The following ZSWIM6 variants were observed in gnomAD, a reference collection of about 807,000 sequenced individuals.
ZSWIM6 encodes the protein zinc finger SWIM-type containing 6.
Under a neutral mutation model 113.2 loss-of-function variants are expected in ZSWIM6, and 9 were observed. The observed-to-expected ratio is 0.08, with a 90% CI of 0.05 to 0.14. The LOEUF (loss-of-function observed/expected upper bound fraction) is 0.14. Ranked by LOEUF, ZSWIM6 falls within the 10% of genes least tolerant of loss-of-function variation. The pLI, the probability that ZSWIM6 is intolerant of heterozygous loss-of-function variation, is 1.00. For synonymous variants in ZSWIM6, 611 were observed against 606.5 expected (o/e 1.01, Z -0.11); for missense variants, 1,162 against 1,552.2 (o/e 0.75, Z 4.22).
chr5:61,486,757 T>A (rs1748031406), intron 2 of ZSWIM6, among the ~76,000 whole-genome samples: 1 of 152,140 alleles, frequency 6.6e-6, no homozygotes, highest in South Asian at 2.1e-4. Context: ...GAAAAATGTC[T>A]CATGTCTTTT....
intron 1 of ZSWIM6, among the ~76,000 whole-genome samples, chr5:61,400,836 C>T (rs1745928239): frequency 6.6e-6 from 1 of 152,138 alleles, no homozygotes; most frequent in African/African-American, 2.4e-5. Flanking sequence ...GAAGTAGAGG[C>T]TCTTGTGGTA....
intron 1 of ZSWIM6, among the ~76,000 whole-genome samples, chr5:61,452,137 T>C (rs1340292417): frequency 1.3e-5 from 2 of 152,184 alleles, no homozygotes; most frequent in African/African-American, 4.8e-5. Flanking sequence ...ATTTTCTTGC[T>C]GTTTTAAGGA....
intron 1 of ZSWIM6, among the ~76,000 whole-genome samples, chr5:61,348,751 A>G (rs1426198551): frequency 1.3e-5 from 2 of 152,160 alleles, no homozygotes; most frequent in South Asian, 2.1e-4. Context: ...AAAACATTCT[A>G]TGTCTTAGAT....
chr5:61,473,172 T>C (rs113910733), intron 2 of ZSWIM6, 135 bp downstream of exon 2: 6,470 of 559,830 alleles, frequency 0.012, 57 homozygotes, highest in Non-Finnish European at 0.016. Context: ...AAAGAGATTT[T>C]TACATTTGTA....
intron 2 of ZSWIM6, among the ~76,000 whole-genome samples, chr5:61,481,927 T>C (rs1580022353): frequency 6.6e-6 from 1 of 152,222 alleles, no homozygotes; most frequent in Non-Finnish European, 1.5e-5. Flanking sequence ...GTAAATATTA[T>C]AGCATTTACT....
chr5:61,447,401 A>G (rs946538783), intron 1 of ZSWIM6, among the ~76,000 whole-genome samples: 1 of 152,176 alleles, frequency 6.6e-6, no homozygotes, highest in African/African-American at 2.4e-5. Context: ...TGAAACAGAA[A>G]GGTTGCTTTC....
At position 61,472,057 on chromosome 5, in the gene ZSWIM6, A is replaced by G. The variant is rs1040814381; in HGVS notation, c.677-624A>G. On this transcript the variant is annotated intron_variant, in intron 1 of 13. Coordinates refer to ENST00000252744, the MANE Select transcript of ZSWIM6 (RefSeq NM_020928.2). This position sits in a 1 kb window ranked among gnomAD's most constrained non-coding sequence, Gnocchi z 4.1. ...TATATGAGATTTGGTGGGCCTTGCAATTCTATAAGCAGTTGCTGCTCATAG... is the reference window on the plus strand; with the variant it reads ...TATATGAGATTTGGTGGGCCTTGCAGTTCTATAAGCAGTTGCTGCTCATAG... Among the ~76,000 whole-genome samples the G allele has an allele frequency of 1.3e-5, 2 of 152,142 alleles. No individual in the cohort carries two copies. The highest frequency in any genetic ancestry group is 2.4e-5 in the African/African-American group (1 of 41,434).
At chr5:61,530,650 T>A (rs1156480637) in intron 8 of ZSWIM6, among the ~76,000 whole-genome samples, 1 of 152,206 alleles carries the variant, frequency 6.6e-6, no homozygotes, top group African/African-American at 2.4e-5. Context: ...TAAAACTGTT[T>A]TATATCATAC....
intron 4 of ZSWIM6, among the ~76,000 whole-genome samples, chr5:61,513,480 GAA>G (rs1748843888): frequency 6.6e-6 from 1 of 152,006 alleles, no homozygotes. Flanking sequence ...AAATTTTGAT[GAA>G]GTCTACTTTA....
At chr5:61,391,536 A>G (rs2112092458) in intron 1 of ZSWIM6, 2 of 1,015,152 alleles carry the variant, frequency 2.0e-6, no homozygotes, top group Admixed American at 3.4e-5. Context: ...TCTTGCATGC[A>G]TCGCTGATGT....
At chr5:61,336,070 C>T (rs2112019683) in intron 1 of ZSWIM6, among the ~76,000 whole-genome samples, 1 of 152,170 alleles carries the variant, frequency 6.6e-6, no homozygotes, top group East Asian at 1.9e-4. Flanking sequence ...CTAGACCAGA[C>T]TGGGCAACAT....
At chr5:61,448,726 TGG>T (rs1747019360) in intron 1 of ZSWIM6, among the ~76,000 whole-genome samples, 1 of 151,938 alleles carries the variant, frequency 6.6e-6, no homozygotes. Flanking sequence ...AAGAAATATA[TGG>T]GGGTATGATA....
At chr5:61,482,781 G>A (rs1747909657) in intron 2 of ZSWIM6, among the ~76,000 whole-genome samples, 1 of 152,032 alleles carries the variant, frequency 6.6e-6, no homozygotes. Flanking sequence ...TTAGAGTTAA[G>A]GAAATGGAGG....
chr5:61,511,419 C>G (rs1288981563), intron 4 of ZSWIM6, among the ~76,000 whole-genome samples: 1 of 152,128 alleles, frequency 6.6e-6, no homozygotes, highest in Non-Finnish European at 1.5e-5. Flanking sequence ...CTCAACCTCT[C>G]TGAGTTTTAG....
intron 1 of ZSWIM6, among the ~76,000 whole-genome samples, chr5:61,450,841 AC>A: frequency 1.3e-5 from 2 of 152,254 alleles, no homozygotes; most frequent in East Asian, 3.9e-4. Flanking sequence ...GGGAAGAGGA[AC>A]CCCAGGAACA....
chr5:61,489,131 T>G (rs771824166), intron 2 of ZSWIM6, among the ~76,000 whole-genome samples: 24 of 152,142 alleles, frequency 1.6e-4, no homozygotes, highest in East Asian at 3.9e-4. Flanking sequence ...TGCACCATGT[T>G]TTTTCCTGCC....
At chr5:61,446,120 G>C (rs542624265) in intron 1 of ZSWIM6, among the ~76,000 whole-genome samples, 1 of 152,096 alleles carries the variant, frequency 6.6e-6, no homozygotes, top group Non-Finnish European at 1.5e-5. Context: ...TCCACCTCCC[G>C]GGTTCAAGTG....
intron 1 of ZSWIM6, chr5:61,390,650 CA>C (rs1026846990): frequency 7.8e-5 from 63 of 808,514 alleles, no homozygotes; most frequent in Non-Finnish European, 1.2e-4. Context: ...CCACCAGCTG[CA>C]AAAACTGTTC....
intron 1 of ZSWIM6, among the ~76,000 whole-genome samples, chr5:61,356,752 T>TTATA (rs1210994238): frequency 2.2e-5 from 3 of 138,748 alleles, no homozygotes; most frequent in African/African-American, 8.0e-5. Context: ...TATATATATA[T>TTATA]TATATATAAT....
Sources: gnomAD v4.1 joint callset for allele counts (sites outside exome capture counted in the v4.1 genomes callset) on GRCh38, gnomAD v4.1.1 for gene constraint, Gnocchi (gnomAD v3.1) non-coding constraint, MANE v1.5 for transcripts, NCBI Gene and HGNC (gene_info 2026-07-23, HGNC 2026-07-21) for gene names.